XRCC4: variants seen among roughly 807,000 people sequenced by gnomAD.
XRCC4 encodes DNA repair protein XRCC4.
Under a neutral mutation model 39.1 loss-of-function variants are expected in XRCC4, and 28 were observed. The observed-to-expected ratio is 0.72, with a 90% CI of 0.53 to 0.98. The LOEUF is 0.98. XRCC4 is among the 50% of genes least tolerant of loss of function. The pLI, the probability that XRCC4 is intolerant of heterozygous loss-of-function variation, is 0.00. For synonymous variants in XRCC4, 123 were observed against 126.4 expected (o/e 0.97, Z 0.18); for missense variants, 350 against 376.4 (o/e 0.93, Z 0.58).
chr5:83,240,456 T>C (rs1487277456), intron 6 of XRCC4, among the ~76,000 whole-genome samples: 6 of 152,160 alleles, frequency 3.9e-5, no homozygotes, highest in Non-Finnish European at 8.8e-5. Flanking sequence ...AGCTGAGAAC[T>C]ATGTGGAGAT....
chr5:83,307,226 C>A (rs1054291927), intron 7 of XRCC4, among the ~76,000 whole-genome samples: 1 of 152,156 alleles, frequency 6.6e-6, no homozygotes, highest in Non-Finnish European at 1.5e-5. Context: ...AATGTTTACT[C>A]ATTTGTTCTA....
intron 3 of XRCC4, among the ~76,000 whole-genome samples, chr5:83,182,125 G>A (rs1279093544): frequency 6.6e-6 from 1 of 152,062 alleles, no homozygotes; most frequent in African/African-American, 2.4e-5. Context: ...GAATGGAAGG[G>A]AAAACCAGGT....
chr5:83,194,120 A>G (rs922354086), intron 3 of XRCC4, among the ~76,000 whole-genome samples: 1 of 152,118 alleles, frequency 6.6e-6, no homozygotes, highest in East Asian at 1.9e-4. Flanking sequence ...TTTAGTAAAG[A>G]CTAAACACTG....
At chr5:83,364,266 T>G in the XRCC4 span, among the ~76,000 whole-genome samples, 1 of 152,120 alleles carries the variant, frequency 6.6e-6, no homozygotes, top group Non-Finnish European at 1.5e-5. Flanking sequence ...CAACAGAAAA[T>G]TTGAGACAGT....
At chr5:83,222,521 T>C (rs1379154593) in intron 6 of XRCC4, among the ~76,000 whole-genome samples, 3 of 152,182 alleles carry the variant, frequency 2.0e-5, no homozygotes, top group African/African-American at 7.2e-5. Flanking sequence ...TTTGTTCATA[T>C]GTGTTTTTAT....
intron 7 of XRCC4, among the ~76,000 whole-genome samples, chr5:83,345,230 G>C (rs1292657196): frequency 5.3e-5 from 8 of 152,126 alleles, no homozygotes; most frequent in African/African-American, 1.7e-4. Flanking sequence ...ATGCAATTCA[G>C]TGTATCAATC....
chr5:83,148,027 A>AT (rs1362621595), intron 3 of XRCC4, among the ~76,000 whole-genome samples: 2 of 152,096 alleles, frequency 1.3e-5, no homozygotes, highest in Non-Finnish European at 2.9e-5. Context: ...GTCTCAGGTG[A>AT]TTCGCCCTCC....
intron 1 of XRCC4, among the ~76,000 whole-genome samples, chr5:83,097,660 C>T (rs533431153): frequency 6.6e-6 from 1 of 152,078 alleles, no homozygotes; most frequent in South Asian, 2.1e-4. Flanking sequence ...AATTTTGAGG[C>T]TTAAGAAATC....
intron 7 of XRCC4, among the ~76,000 whole-genome samples, chr5:83,315,468 T>C (rs1246739366): frequency 1.3e-5 from 2 of 152,166 alleles, no homozygotes; most frequent in Non-Finnish European, 2.9e-5. Flanking sequence ...AGCCTTCTTT[T>C]GGAAGAAGAT....
chr5:83,131,219 T>G (rs1398661856), intron 3 of XRCC4, among the ~76,000 whole-genome samples: 1 of 152,184 alleles, frequency 6.6e-6, no homozygotes, highest in African/African-American at 2.4e-5. Flanking sequence ...GCCTTCATTT[T>G]GTTATTTACC....
intron 6 of XRCC4, among the ~76,000 whole-genome samples, chr5:83,242,677 A>G (rs1388918983): frequency 3.9e-5 from 6 of 152,140 alleles, no homozygotes; most frequent in Admixed American, 6.6e-5. Context: ...TCTAATGTAT[A>G]TATAATCAAC....
At chr5:83,347,404 A>G (rs1561486272) in intron 7 of XRCC4, among the ~76,000 whole-genome samples, 1 of 152,084 alleles carries the variant, frequency 6.6e-6, no homozygotes, top group Non-Finnish European at 1.5e-5. Flanking sequence ...GCTGCTGGGG[A>G]GGCCTCAGGA....
intron 7 of XRCC4, among the ~76,000 whole-genome samples, chr5:83,324,051 A>C (rs1427144549): frequency 3.3e-5 from 5 of 152,118 alleles, no homozygotes; most frequent in Non-Finnish European, 7.4e-5. Flanking sequence ...AGCAGAATAC[A>C]TCAAGAAAAT....
chr5:83,313,632 A>G (rs1427481149), intron 7 of XRCC4, among the ~76,000 whole-genome samples: 2 of 152,124 alleles, frequency 1.3e-5, no homozygotes, highest in South Asian at 2.1e-4. Flanking sequence ...AGCCACGCCA[A>G]TCTCTTACAT....
At chr5:83,115,197 A>G (rs1006275708) in intron 3 of XRCC4, among the ~76,000 whole-genome samples, 1 of 152,062 alleles carries the variant, frequency 6.6e-6, no homozygotes, top group Non-Finnish European at 1.5e-5. Flanking sequence ...GGAGGCTGAG[A>G]TGGGCGGATC....
At chr5:83,323,787 G>C (rs1756156471) in intron 7 of XRCC4, among the ~76,000 whole-genome samples, 1 of 151,978 alleles carries the variant, frequency 6.6e-6, no homozygotes, top group African/African-American at 2.4e-5. Context: ...TTTGAAATAT[G>C]TTTTCAAGGT....
chr5:83,282,530 A>G (rs542315481), intron 7 of XRCC4, among the ~76,000 whole-genome samples: 117 of 152,058 alleles, frequency 7.7e-4, no homozygotes, highest in Non-Finnish European at 8.1e-4. Flanking sequence ...TGTTTAGAAA[A>G]AAAAAAATCC....
rs1748129794 is a variant in XRCC4, at chr5:83,140,746, T to C, written c.315+29543T>C. On this transcript the variant is annotated intron_variant, in intron 3 of 7. Transcript: ENST00000396027. ...AATTTCTTAATTTAGTTTTATTCTT[T>C]CCCACCCCTTTCTGTTTCTCAATTT... 2.0e-5 allele frequency among the ~76,000 whole-genome samples: 3 copies of C among 152,252 alleles called. No homozygotes were observed. In the South Asian group the frequency reaches 6.2e-4, roughly 32 times the overall value.
intron 6 of XRCC4, among the ~76,000 whole-genome samples, chr5:83,212,216 T>C (rs1299962416): frequency 6.6e-5 from 10 of 152,050 alleles, no homozygotes; most frequent in Non-Finnish European, 1.3e-4. Context: ...GAGTACGATA[T>C]AAATGTATCA....
Sources: gnomAD v4.1 joint callset for allele counts (sites outside exome capture counted in the v4.1 genomes callset) on GRCh38, gnomAD v4.1.1 for gene constraint, MANE v1.5 for transcripts, NCBI Gene and HGNC (gene_info 2026-07-23, HGNC 2026-07-21) for gene names.